Variants in CPQ observed in about 807,000 individuals in gnomAD.
The protein encoded by CPQ is Ser-Met dipeptidase.
CPQ carries 37 observed loss-of-function variants against 45.7 expected under a neutral mutation model. The ratio of observed to expected loss-of-function variants is 0.81; its 90% CI spans 0.62 to 1.07. The LOEUF is 1.07. CPQ is among the 50% of genes least tolerant of loss of function. CPQ has a pLI of 0.00. For synonymous variants in CPQ, 186 were observed against 205.8 expected, an observed-to-expected ratio of 0.90 and a Z score of 0.82; for missense variants, 537 against 572.9, an observed-to-expected ratio of 0.94 and a Z score of 0.64.
At chr8:96,878,985 G>T (rs1056906170) in intron 3 of CPQ, among the ~76,000 whole-genome samples, 1 of 152,178 alleles carries the variant, frequency 6.6e-6, no homozygotes, top group African/African-American at 2.4e-5. Context: ...CCACACCTCA[G>T]GGGTGAAAAG....
At chr8:96,897,156 G>C (rs1056646106) in intron 4 of CPQ, among the ~76,000 whole-genome samples, 1 of 152,180 alleles carries the variant, frequency 6.6e-6, no homozygotes, top group Non-Finnish European at 1.5e-5. Context: ...TCAGAGTGCT[G>C]TAACCTATTT....
At chr8:97,058,365 T>G (rs1810489173) in intron 6 of CPQ, among the ~76,000 whole-genome samples, 1 of 152,130 alleles carries the variant, frequency 6.6e-6, no homozygotes, top group Non-Finnish European at 1.5e-5. Flanking sequence ...GCTGCAGTCT[T>G]CCCAACCAAG....
At chr8:96,681,854 T>A (rs1382085295) in intron 1 of CPQ, among the ~76,000 whole-genome samples, 1 of 152,104 alleles carries the variant, frequency 6.6e-6, no homozygotes. Context: ...AGACATGGAG[T>A]CAAAGGGCAC....
At chr8:96,854,947 C>A (rs772500235) in intron 3 of CPQ, among the ~76,000 whole-genome samples, 1 of 152,164 alleles carries the variant, frequency 6.6e-6, no homozygotes, top group Non-Finnish European at 1.5e-5. Flanking sequence ...GAAAGGGAAC[C>A]ATGGCCATAA....
In CPQ at chr8:97,020,400, G is replaced by A. The variant is rs1005671325; in HGVS notation, c.962-9003G>A. The stretch of plus-strand genomic sequence containing the variant: ...GATCAGAGCATAACTAAATGAAATT[G>A]AAACAAGAAAATACAAAAGATAAAT... On this transcript the variant is annotated intron_variant, in intron 5 of 7. Coordinates refer to ENST00000220763, the MANE Select transcript of CPQ (RefSeq NM_016134.4). Among the ~76,000 whole-genome samples the A allele has an allele frequency of 2.0e-5, 3 of 151,954 alleles. No individual in the cohort carries two copies. In the South Asian group the frequency reaches 6.2e-4, roughly 32 times the overall value.
chr8:97,014,399 C>T (rs1446360882), intron 5 of CPQ, among the ~76,000 whole-genome samples: 1 of 151,858 alleles, frequency 6.6e-6, no homozygotes, highest in Non-Finnish European at 1.5e-5. Context: ...ACCTGTAATC[C>T]CAGCAATTTG....
intron 4 of CPQ, among the ~76,000 whole-genome samples, chr8:96,956,209 G>A (rs1813354956): frequency 6.6e-6 from 1 of 152,142 alleles, no homozygotes; most frequent in South Asian, 2.1e-4. Context: ...TTCAGTCTAA[G>A]CTAATTTTTA....
At chr8:96,691,070 A>G (rs750633372) in intron 1 of CPQ, among the ~76,000 whole-genome samples, 2 of 152,228 alleles carry the variant, frequency 1.3e-5, no homozygotes, top group Non-Finnish European at 2.9e-5. Flanking sequence ...ACAATTTACC[A>G]TAAAACCAGT....
chr8:96,760,045 G>C (rs1563490015), intron 1 of CPQ, among the ~76,000 whole-genome samples: 1 of 152,110 alleles, frequency 6.6e-6, no homozygotes, highest in East Asian at 1.9e-4. Context: ...CTGATTTCAG[G>C]CCTCAGCCCT....
intron 2 of CPQ, among the ~76,000 whole-genome samples, chr8:96,817,978 C>T (rs981258941): frequency 1.5e-4 from 23 of 152,082 alleles, no homozygotes; most frequent in African/African-American, 5.3e-4. Flanking sequence ...CTGTTTGGCA[C>T]AAGAGGCCTA....
intron 4 of CPQ, among the ~76,000 whole-genome samples, chr8:96,908,745 G>GTGCACACACACA (rs1554577088): frequency 1.2e-4 from 2 of 16,906 alleles, no homozygotes; most frequent in African/African-American, 6.0e-4. Context: ...TTATACACAT[G>GTGCACACACACA]CGCACACACA....
intron 1 of CPQ, among the ~76,000 whole-genome samples, chr8:96,775,879 A>G (rs1810598746): frequency 6.6e-6 from 1 of 152,212 alleles, no homozygotes; most frequent in Non-Finnish European, 1.5e-5. Context: ...TAGGGGCAGC[A>G]TCATCCATAT....
At chr8:97,139,511 A>G (rs1036600043) in intron 7 of CPQ, among the ~76,000 whole-genome samples, 2 of 152,180 alleles carry the variant, frequency 1.3e-5, no homozygotes, top group African/African-American at 4.8e-5. Flanking sequence ...TAGAGCAAAC[A>G]TCAACAAAAT....
intron 5 of CPQ, among the ~76,000 whole-genome samples, chr8:97,018,865 T>C (rs759098497): frequency 6.6e-6 from 1 of 152,088 alleles, no homozygotes; most frequent in African/African-American, 2.4e-5. Flanking sequence ...GTCATCCAAA[T>C]ACAAGAAACT....
intron 7 of CPQ, among the ~76,000 whole-genome samples, chr8:97,126,735 A>C (rs1308558380): frequency 6.6e-6 from 1 of 152,174 alleles, no homozygotes; most frequent in Non-Finnish European, 1.5e-5. Flanking sequence ...ATGAAAGAAA[A>C]ATTTTGAAAA....
At chr8:97,102,387 G>T (rs1811328843) in intron 7 of CPQ, among the ~76,000 whole-genome samples, 1 of 152,098 alleles carries the variant, frequency 6.6e-6, no homozygotes, top group Admixed American at 6.6e-5. Context: ...ATAGGGGAGA[G>T]GTTCTGTGAT....
chr8:96,759,571 G>T (rs1299488783), intron 1 of CPQ, among the ~76,000 whole-genome samples: 3 of 152,072 alleles, frequency 2.0e-5, no homozygotes, highest in Non-Finnish European at 4.4e-5. Context: ...TTTCTATGCT[G>T]TATCTCTCAC....
chr8:96,863,232 A>G (rs1237366076), intron 3 of CPQ, among the ~76,000 whole-genome samples: 6 of 152,052 alleles, frequency 3.9e-5, no homozygotes, highest in Non-Finnish European at 7.4e-5. Flanking sequence ...GGGGAGGATG[A>G]TGGTTTTGGT....
intron 6 of CPQ, among the ~76,000 whole-genome samples, chr8:97,039,711 C>A (rs1810080124): frequency 6.6e-6 from 1 of 151,780 alleles, no homozygotes; most frequent in Admixed American, 6.6e-5. Flanking sequence ...TCAATTCCCA[C>A]CTATGAGTAA....
Sources: gnomAD v4.1 joint callset for allele counts (sites outside exome capture counted in the v4.1 genomes callset) on GRCh38, gnomAD v4.1.1 for gene constraint, MANE v1.5 for transcripts, NCBI Gene and HGNC (gene_info 2026-07-23, HGNC 2026-07-21) for gene names.